NINL: variants seen among roughly 807,000 people sequenced by gnomAD.
NINL encodes the protein ninein like.
NINL carries 153 observed loss-of-function variants against 160.3 expected under a neutral mutation model. The ratio of observed to expected loss-of-function variants is 0.95; its 90% CI spans 0.84 to 1.09. NINL has a LOEUF of 1.09. Among genes scored for constraint, NINL ranks in the 50% least tolerant of loss-of-function variants. NINL has a pLI of 0.00. For missense variants in NINL, 1,829 were observed against 1,764.0 expected (o/e 1.04, Z -0.66); for synonymous variants, 800 against 734.8 (o/e 1.09, Z -1.43).
At chr20:25,475,801 AC>A (rs1374347782) in intron 17 of NINL, among the ~76,000 whole-genome samples, 1 of 152,084 alleles carries the variant, frequency 6.6e-6, no homozygotes, top group Non-Finnish European at 1.5e-5. Context: ...TGGGTTCAGG[AC>A]CCCGAAAGGC....
intron 20 of NINL, among the ~76,000 whole-genome samples, chr20:25,461,953 C>T (rs1248506264): frequency 6.6e-6 from 1 of 152,172 alleles, no homozygotes; most frequent in East Asian, 1.9e-4. Context: ...TGCTGTGATC[C>T]AGTGACTCCC....
rs774168668 is a variant in NINL at position 25,476,618 on chromosome 20, C to A, written c.2673G>T (p.Pro891=). 1 of 1,593,170 alleles carries A rather than the reference C, an allele frequency of 6.3e-7. No individual in the cohort carries two copies. Among genetic ancestry groups the A allele is most frequent in the South Asian group, 1.1e-5 (1 of 89,878 alleles). Residue 891 remains proline (P), a synonymous_variant, in exon 17 of 24, where the codon CCG becomes CCT. Transcript: ENST00000278886. ...QAQDTEATQS[P]APAPAPASHG... ...GGGATGCCGGGGCAGGGGCGGGGGC[C>A]GGGCTCTGCGTAGCTTCTGTGTCCT...
intron 10 of NINL, among the ~76,000 whole-genome samples, chr20:25,495,744 T>A (rs148214275): frequency 6.6e-6 from 1 of 152,178 alleles, no homozygotes; most frequent in Non-Finnish European, 1.5e-5. Context: ...ACCAATGACG[T>A]AGAGAAGCCC....
intron 3 of NINL, among the ~76,000 whole-genome samples, chr20:25,514,202 T>C (rs2064123330): frequency 1.3e-5 from 2 of 152,138 alleles, no homozygotes; most frequent in Non-Finnish European, 2.9e-5. Flanking sequence ...AAGGAGCATA[T>C]TGGGAACTGA....
At chr20:25,496,197 T>C (rs2063748923) in intron 10 of NINL, among the ~76,000 whole-genome samples, 1 of 152,180 alleles carries the variant, frequency 6.6e-6, no homozygotes, top group South Asian at 2.1e-4. Context: ...CTCTGGTCTA[T>C]CCAGCCACTG....
At chr20:25,464,851 C>G (rs547583739) in intron 19 of NINL, among the ~76,000 whole-genome samples, 115 of 152,330 alleles carry the variant, frequency 7.5e-4, no homozygotes, top group African/African-American at 2.7e-3. Context: ...CAGTTCCACC[C>G]CCTCCCATTT....
At position 25,461,222 on chromosome 20, in the gene NINL, C is replaced by T. The variant is rs377335113; in HGVS notation, c.3696+300G>A. On this transcript the variant is annotated intron_variant, in intron 21 of 23. Transcript: ENST00000278886. ...GCCTGCTGCCTTGGTTCTGACGACA[C>T]AGTCCCCAGGCTTGCCTCTGGCTCC... 2.0e-5 allele frequency among the ~76,000 whole-genome samples: 3 copies of T among 152,364 alleles called. No individual in the cohort carries two copies. The East Asian group carries it at 5.8e-4, about 29-fold the overall frequency.
In NINL at chr20:25,479,087, C is replaced by T. The variant is rs780378468; in HGVS notation, c.2037G>A (p.Leu679=). 3 of 1,613,462 alleles carry T rather than the reference C, an allele frequency of 1.9e-6. No homozygotes were observed. Among genetic ancestry groups the T allele is most frequent in the Non-Finnish European group, 2.5e-6 (3 of 1,180,038 alleles). ...CCTGAGACTTCTCGTGGAGCTCCTC[C>T]AGGTCGGCCTTCTGACCCTCCAGCA... ...VSVLEGQKAD[L]EELHEKSQEV... is the part of the protein sequence containing the mutation. The change falls in exon 16 of 24, where the codon CTG becomes CTA. Residue 679 remains leucine (L), a synonymous_variant. Transcript: ENST00000278886.
At chr20:25,517,939 A>T in intron 2 of NINL, 90 bp from the exon 3 acceptor site, 2 of 707,236 alleles carry the variant, frequency 2.8e-6, no homozygotes, top group Non-Finnish European at 4.6e-6. Context: ...TCTCAGATAG[A>T]AATATATTAT....
intron 1 of NINL, among the ~76,000 whole-genome samples, chr20:25,528,004 T>C (rs560992473): frequency 6.6e-6 from 1 of 152,348 alleles, no homozygotes; most frequent in East Asian, 1.9e-4. Flanking sequence ...TGACAGAATA[T>C]TAAACAGTCT....
intron 10 of NINL, among the ~76,000 whole-genome samples, chr20:25,492,287 T>C (rs403424): frequency 0.93 from 142,155 of 152,294 alleles, 66,422 homozygotes; most frequent in East Asian, 1. Flanking sequence ...TAATACTCCA[T>C]AAATCTTTTG....
At chr20:25,544,078 G>A (rs1568957221) in intron 1 of NINL, among the ~76,000 whole-genome samples, 2 of 127,644 alleles carry the variant, frequency 1.6e-5, no homozygotes, top group South Asian at 4.3e-4. Context: ...CTCCAACTTG[G>A]TTCTTCTTTT....
intron 15 of NINL, 137 bp downstream of exon 15, chr20:25,480,024 T>C: frequency 3.0e-6 from 2 of 657,656 alleles, no homozygotes; most frequent in Admixed American, 2.6e-5. Context: ...TCTACAAACT[T>C]TCCTCCCCAA....
At position 25,505,035 on chromosome 20, in the gene NINL, C is replaced by T; in HGVS notation, c.561G>A (p.Gln187=). The T allele has an allele frequency of 6.2e-7, 1 of 1,609,818 alleles. No individual in the cohort carries two copies. The highest frequency in any genetic ancestry group is 1.3e-5 in the African/African-American group (1 of 74,950). The change falls in exon 6 of 24, where the codon CAG becomes CAA. Residue 187 remains glutamine (Q), a synonymous_variant. Coordinates refer to ENST00000278886, the MANE Select transcript of NINL (RefSeq NM_025176.6). ...TWDSEDFGSP[Q]KSCSPSFDTP... ...TGTCAAAGGAGGGGCTGCAGGACTTCTGGGGGCTCCCAAAGTCCTCAGAAT... is the reference window on the plus strand; with the variant it reads ...TGTCAAAGGAGGGGCTGCAGGACTTTTGGGGGCTCCCAAAGTCCTCAGAAT...
intron 19 of NINL, among the ~76,000 whole-genome samples, chr20:25,463,654 G>C (rs1568841100): frequency 6.6e-6 from 1 of 152,176 alleles, no homozygotes; most frequent in African/African-American, 2.4e-5. Context: ...GCAGCTCCTG[G>C]GGGTTTGGAG....
At chr20:25,543,707 T>C (rs1358267357) in intron 1 of NINL, among the ~76,000 whole-genome samples, 1 of 152,174 alleles carries the variant, frequency 6.6e-6, no homozygotes, top group African/African-American at 2.4e-5. Flanking sequence ...TAGCCTCTGA[T>C]TGGCTGCAAA....
At chr20:25,548,404 G>C (rs561508492) in intron 1 of NINL, among the ~76,000 whole-genome samples, 1 of 152,186 alleles carries the variant, frequency 6.6e-6, no homozygotes, top group African/African-American at 2.4e-5. Flanking sequence ...GCCTGGTCTT[G>C]GACAGGGTGT....
intron 19 of NINL, chr20:25,462,815 C>G (rs1432314518): frequency 3.2e-6 from 1 of 313,464 alleles, no homozygotes; most frequent in Non-Finnish European, 6.0e-6. Flanking sequence ...TCACCACTCC[C>G]ACCTAGTTTT....
chr20:25,533,227 C>G (rs1230863387), intron 1 of NINL, among the ~76,000 whole-genome samples: 1 of 152,140 alleles, frequency 6.6e-6, no homozygotes, highest in East Asian at 1.9e-4. Flanking sequence ...TCCCTGGAGT[C>G]TGGAGCCGAT....
Sources: gnomAD v4.1 joint callset for allele counts (sites outside exome capture counted in the v4.1 genomes callset) on GRCh38, gnomAD v4.1.1 for gene constraint, MANE v1.5 for transcripts, NCBI Gene and HGNC (gene_info 2026-07-23, HGNC 2026-07-21) for gene names.